VPS37A: variants seen among roughly 807,000 people sequenced by gnomAD.
VPS37A encodes the protein VPS37A subunit of ESCRT-I.
In VPS37A, 30 loss-of-function variants were observed where a neutral mutation model predicts 49.8. The observed-to-expected ratio is 0.60, with a 90% CI of 0.45 to 0.82. The LOEUF (loss-of-function observed/expected upper bound fraction) is 0.82, where lower values mean the gene tolerates loss of function less well. VPS37A is among the 40% of genes least tolerant of loss of function. The pLI is 0.00. For missense variants in VPS37A, 593 were observed against 464.4 expected (o/e 1.28, Z -2.55); for synonymous variants, 195 against 160.6 (o/e 1.21, Z -1.62).
At chr8:17,247,650 C>G in intron 1 of VPS37A, 1 of 704,264 alleles carries the variant, frequency 1.4e-6, no homozygotes, top group Non-Finnish European at 2.6e-6. Flanking sequence ...CAATCTCTCT[C>G]ATAGTCTATT....
intron 1 of VPS37A, among the ~76,000 whole-genome samples, chr8:17,249,424 AT>A (rs1177420670): frequency 6.6e-6 from 1 of 152,212 alleles, no homozygotes; most frequent in African/African-American, 2.4e-5. Flanking sequence ...AATGTAATTT[AT>A]TTTGTAGTGT....
In VPS37A at chr8:17,251,182, C is replaced by G. The variant is rs375265591; in HGVS notation, c.125+3813C>G. On this transcript the variant is annotated intron_variant, in intron 1 of 11. Transcript: ENST00000324849. ...AGTGATGATGGTCTCATCACCCTTC[C>G]CCCCAAGTTACTGTGGAAGCAGGAC... Among the ~76,000 whole-genome samples the G allele has an allele frequency of 7.2e-5, 11 of 152,248 alleles. No homozygotes were observed. The East Asian group carries it at 1.9e-3, about 27-fold the overall frequency.
At chr8:17,265,515 T>A (rs1261662402) in intron 1 of VPS37A, among the ~76,000 whole-genome samples, 2 of 152,228 alleles carry the variant, frequency 1.3e-5, no homozygotes, top group Non-Finnish European at 2.9e-5. Context: ...AGACCCAGAC[T>A]TCCCCAGCTG....
chr8:17,293,307 G>A (rs1296982134), intron 11 of VPS37A, among the ~76,000 whole-genome samples: 1 of 151,384 alleles, frequency 6.6e-6, no homozygotes, highest in Non-Finnish European at 1.5e-5. Context: ...CATCAGGTAG[G>A]TCATTTATTT....
intron 11 of VPS37A, among the ~76,000 whole-genome samples, chr8:17,288,063 A>G (rs1815780704): frequency 6.6e-6 from 1 of 152,184 alleles, no homozygotes. Context: ...AAATCATACT[A>G]TAAATTCCTT....
downstream of VPS37A, chr8:17,299,879 C>A (rs370812641): frequency 1.9e-6 from 3 of 1,614,014 alleles, no homozygotes; most frequent in Non-Finnish European, 2.5e-6. Context: ...GTGAGAAACA[C>A]GGCTTCATCA....
intron 11 of VPS37A, chr8:17,286,731 G>T (rs576660176): frequency 4.8e-6 from 1 of 206,458 alleles, no homozygotes; most frequent in Admixed American, 5.5e-5. Context: ...AGTATACCTT[G>T]TCATGTGGCT....
At chr8:17,276,351 C>T in intron 5 of VPS37A, 46 bp from the exon 6 acceptor site, 1 of 1,534,896 alleles carries the variant, frequency 6.5e-7, no homozygotes, top group Non-Finnish European at 8.9e-7. Context: ...TGAGAGCAGT[C>T]AAAAATAATG....
the VPS37A span, among the ~76,000 whole-genome samples, chr8:17,320,624 A>G: frequency 6.6e-6 from 1 of 152,180 alleles, no homozygotes. Flanking sequence ...CATGGACCCA[A>G]TTGGAAGACA....
intron 1 of VPS37A, among the ~76,000 whole-genome samples, chr8:17,265,583 C>T (rs1276451972): frequency 2.0e-5 from 3 of 152,114 alleles, no homozygotes; most frequent in South Asian, 4.1e-4. Context: ...CTGTATTAAC[C>T]GGAGAGCACA....
chr8:17,285,741 A>T (rs1005641005), intron 10 of VPS37A, among the ~76,000 whole-genome samples: 12 of 152,190 alleles, frequency 7.9e-5, no homozygotes, highest in South Asian at 2.1e-4. Context: ...AATGCTGTGT[A>T]ACTGTGCCTT....
intron 6 of VPS37A, 149 bp downstream of exon 6, chr8:17,276,616 GT>G (rs993019565): frequency 1.5e-5 from 11 of 735,432 alleles, no homozygotes; most frequent in Non-Finnish European, 2.4e-5. Context: ...TTAAAAATCA[GT>G]TTTAGGTCCT....
the VPS37A span, among the ~76,000 whole-genome samples, chr8:17,333,274 C>T: frequency 4.2e-3 from 641 of 152,264 alleles, 4 homozygotes; most frequent in African/African-American, 0.014. Context: ...TTTAAGACAA[C>T]TTATGTTCAC....
chr8:17,331,065 A>C, the VPS37A span: 4 of 1,489,930 alleles, frequency 2.7e-6, no homozygotes, highest in Non-Finnish European at 1.8e-6. Context: ...ATGTAAAAAC[A>C]TTTTAAAATC....
chr8:17,313,881 T>C, the VPS37A span, among the ~76,000 whole-genome samples: 2 of 152,168 alleles, frequency 1.3e-5, no homozygotes, highest in Non-Finnish European at 2.9e-5. Context: ...ATCCTAAATT[T>C]CTTAAATGAA....
At chr8:17,287,211 A>T (rs1449535037) in intron 11 of VPS37A, among the ~76,000 whole-genome samples, 1 of 152,134 alleles carries the variant, frequency 6.6e-6, no homozygotes, top group Non-Finnish European at 1.5e-5. Context: ...AACTTAAGTA[A>T]AAGCTTATGT....
chr8:17,311,445 G>A, the VPS37A span: 2 of 1,602,304 alleles, frequency 1.2e-6, no homozygotes, highest in East Asian at 2.2e-5. Context: ...GCCAGTAGTT[G>A]TAAAAACAGG....
chr8:17,287,851 G>T (rs1815756037), intron 11 of VPS37A, among the ~76,000 whole-genome samples: 1 of 152,038 alleles, frequency 6.6e-6, no homozygotes, highest in South Asian at 2.1e-4. Context: ...AGTCAGTTTG[G>T]CCTGGAAATT....
intron 1 of VPS37A, among the ~76,000 whole-genome samples, chr8:17,265,000 A>G (rs1325014620): frequency 6.6e-6 from 1 of 152,232 alleles, no homozygotes; most frequent in Non-Finnish European, 1.5e-5. Context: ...TGCCAATACC[A>G]AAGACCCAAG....
Sources: allele counts gnomAD v4.1 joint callset (sites outside exome capture counted in the v4.1 genomes callset), GRCh38; gene constraint gnomAD v4.1.1; transcripts MANE v1.5; gene names NCBI Gene and HGNC (gene_info 2026-07-23, HGNC 2026-07-21).